Variants in MTBP observed in about 807,000 individuals in gnomAD.
MTBP encodes mdm2-binding protein.
Under a neutral mutation model 117.0 loss-of-function variants are expected in MTBP, and 101 were observed. The ratio of observed to expected loss-of-function variants is 0.86; its 90% confidence interval spans 0.73 to 1.02. MTBP has a LOEUF of 1.02. Among genes scored for constraint, MTBP ranks in the 50% least tolerant of loss-of-function variants. MTBP has a pLI of 0.00. For synonymous variants in MTBP, 350 were observed against 351.5 expected, an observed-to-expected ratio of 1.00 and a Z score of 0.05; for missense variants, 970 against 1,030.9, an observed-to-expected ratio of 0.94 and a Z score of 0.81.
At chr8:120,523,033 T>C (rs1417450996) in intron 21 of MTBP, among the ~76,000 whole-genome samples, 1 of 152,178 alleles carries the variant, frequency 6.6e-6, no homozygotes, top group Non-Finnish European at 1.5e-5. Context: ...GATTGACCAT[T>C]TGAAACATAT....
At chr8:120,471,010 T>C (rs2130548136) in intron 11 of MTBP, 73 bp downstream of exon 11, 1 of 997,750 alleles carries the variant, frequency 1.0e-6, no homozygotes, top group Admixed American at 2.1e-5. Context: ...GAAGTGAAGA[T>C]AACATTTCTA....
At chr8:120,505,247 C>T (rs996406870) in intron 15 of MTBP, among the ~76,000 whole-genome samples, 8 of 151,898 alleles carry the variant, frequency 5.3e-5, no homozygotes, top group African/African-American at 1.5e-4. Context: ...AAGGGAGAGC[C>T]GGGGTAGAGA....
chr8:120,517,476 A>G (rs553158865), intron 18 of MTBP, among the ~76,000 whole-genome samples: 138 of 152,078 alleles, frequency 9.1e-4, no homozygotes, highest in South Asian at 2.9e-3. Flanking sequence ...CTAGTTTGCT[A>G]TTCATTACCT....
rs751230204 is a variant in MTBP, at chr8:120,506,739, G to A, written c.1761G>A (p.Leu587=). The A allele has an allele frequency of 3.1e-6, 5 of 1,611,916 alleles. No individual in the cohort carries two copies. The highest frequency in any genetic ancestry group is 4.2e-6 in the Non-Finnish European group (5 of 1,179,300). The change falls in exon 16 of 22, where the codon TTG becomes TTA. Residue 587 remains leucine (L), a synonymous_variant. Transcript: ENST00000305949. The part of the protein sequence containing the change: ...TGSLPHSSEQ[L]LGHKEGPRDS... ...CATTACCTCATTCATCTGAACAGTT[G>A]CTGGGCCACAAAGAGGGTCCTCGGG...
At chr8:120,484,205 A>G (rs971543692) in intron 11 of MTBP, among the ~76,000 whole-genome samples, 2 of 152,182 alleles carry the variant, frequency 1.3e-5, no homozygotes, top group Non-Finnish European at 2.9e-5. Flanking sequence ...AAAATGGTAA[A>G]TGAATTAAGG....
intron 13 of MTBP, among the ~76,000 whole-genome samples, chr8:120,495,310 C>G (rs2130591577): frequency 6.6e-6 from 1 of 152,198 alleles, no homozygotes; most frequent in African/African-American, 2.4e-5. Flanking sequence ...AATTCCTATT[C>G]TTTGTGGTAA....
chr8:120,506,219 G>T (rs976555920), intron 15 of MTBP, among the ~76,000 whole-genome samples: 1 of 152,026 alleles, frequency 6.6e-6, no homozygotes, highest in Non-Finnish European at 1.5e-5. Context: ...GAGACTTTGG[G>T]GAGATTTCTG....
At chr8:120,453,755 TACA>T (rs1348243233) in intron 4 of MTBP, 89 bp from the exon 5 acceptor site, 1 of 555,992 alleles carries the variant, frequency 1.8e-6, no homozygotes, top group African/African-American at 1.9e-5. Flanking sequence ...ACAGTGTCTG[TACA>T]ACAATCTTTT....
chr8:120,519,180 T>C (rs1241653043), intron 20 of MTBP, among the ~76,000 whole-genome samples: 3 of 141,026 alleles, frequency 2.1e-5, no homozygotes, highest in Admixed American at 7.2e-5. Flanking sequence ...GAAAATGTTC[T>C]GAAAAAAAAA....
chr8:120,455,654 G>A, intron 6 of MTBP, 75 bp downstream of exon 6: 1 of 1,399,950 alleles, frequency 7.1e-7, no homozygotes, highest in Non-Finnish European at 9.8e-7. Context: ...TCTCTTTTCA[G>A]ACTCAGCGTT....
intron 9 of MTBP, among the ~76,000 whole-genome samples, chr8:120,462,929 T>A (rs1813611143): frequency 6.6e-6 from 1 of 152,190 alleles, no homozygotes; most frequent in Non-Finnish European, 1.5e-5. Flanking sequence ...CACTGTAAAC[T>A]GTTTTCATGG....
intron 10 of MTBP, 32 bp from the exon 11 acceptor site, chr8:120,470,788 C>A (rs933907971): frequency 5.6e-6 from 8 of 1,426,248 alleles, no homozygotes; most frequent in Admixed American, 3.5e-5. Flanking sequence ...TCTCAATGTG[C>A]AATCAATAAA....
intron 7 of MTBP, among the ~76,000 whole-genome samples, chr8:120,457,918 C>T (rs1813504428): frequency 6.7e-6 from 1 of 150,068 alleles, no homozygotes; most frequent in Non-Finnish European, 1.5e-5. Flanking sequence ...TGCACTCCAG[C>T]CTGCGTGACA....
At chr8:120,518,148 TTA>T in intron 19 of MTBP, 48 bp downstream of exon 19, 2 of 1,511,612 alleles carry the variant, frequency 1.3e-6, no homozygotes, top group Non-Finnish European at 1.8e-6. Context: ...GGAAGACTTT[TTA>T]AATTTGATTA....
At chr8:120,474,496 A>G (rs1813891079) in intron 11 of MTBP, among the ~76,000 whole-genome samples, 1 of 151,850 alleles carries the variant, frequency 6.6e-6, no homozygotes, top group African/African-American at 2.4e-5. Context: ...TCACTATCAG[A>G]CTCTCAGATC....
intron 10 of MTBP, among the ~76,000 whole-genome samples, chr8:120,469,000 C>T (rs916623669): frequency 1.3e-5 from 2 of 152,024 alleles, no homozygotes; most frequent in Non-Finnish European, 2.9e-5. Flanking sequence ...TTTTGCTCAG[C>T]TTATGAGGCA....
intron 17 of MTBP, 101 bp downstream of exon 17, chr8:120,510,130 C>A (rs2130612774): frequency 2.4e-6 from 2 of 836,046 alleles, no homozygotes; most frequent in Non-Finnish European, 3.5e-6. Flanking sequence ...AGACAGAGAC[C>A]AAGAGGATAT....
chr8:120,485,053 T>C (rs963748968), intron 11 of MTBP, among the ~76,000 whole-genome samples: 7 of 152,130 alleles, frequency 4.6e-5, no homozygotes, highest in Non-Finnish European at 1.0e-4. Flanking sequence ...ATTTTATTTA[T>C]CCACACATCA....
rs537488744 is a variant in MTBP at position 120,472,351 on chromosome 8, A to G, written c.1165+1414A>G. The G allele has an allele frequency of 3.9e-5, 6 of 152,334 alleles. No individual in the cohort carries two copies. The South Asian group carries it at 1.2e-3, about 32-fold the overall frequency. 9.4% of individuals were successfully genotyped at this position (152,334 alleles called of 1,614,324 possible). On this transcript the variant is annotated intron_variant, in intron 11 of 21. Coordinates refer to ENST00000305949, the MANE Select transcript of MTBP (RefSeq NM_022045.5). ...AGATACAGATCTCTAGGTAATAGTCAGGGCTGGAGATCTAGATTTTGAGTT... is the reference window on the plus strand; with the variant it reads ...AGATACAGATCTCTAGGTAATAGTCGGGGCTGGAGATCTAGATTTTGAGTT...
Sources: allele counts gnomAD v4.1 joint callset (sites outside exome capture counted in the v4.1 genomes callset), GRCh38; gene constraint gnomAD v4.1.1; transcripts MANE v1.5; gene names NCBI Gene and HGNC (gene_info 2026-07-23, HGNC 2026-07-21).